The following CYRIB variants were observed in gnomAD, a reference collection of about 807,000 sequenced individuals.
CYRIB encodes the protein CYFIP related Rac1 interactor B.
Under a neutral mutation model 44.2 loss-of-function variants are expected in CYRIB, and 8 were observed. The ratio of observed to expected loss-of-function variants is 0.18; its 90% CI spans 0.11 to 0.33. The LOEUF (loss-of-function observed/expected upper bound fraction) is 0.33. Ranked by LOEUF, CYRIB falls within the 10% of genes least tolerant of loss-of-function variation. The pLI, the probability that CYRIB is intolerant of heterozygous loss-of-function variation, is 1.00. For synonymous variants in CYRIB, 131 were observed against 127.2 expected (o/e 1.03, Z -0.20); for missense variants, 185 against 382.8 (o/e 0.48, Z 4.31).
intron 2 of CYRIB, among the ~76,000 whole-genome samples, chr8:129,956,718 GT>G (rs1173962082): frequency 6.6e-6 from 1 of 152,046 alleles, no homozygotes; most frequent in African/African-American, 2.4e-5. Flanking sequence ...CAGAAGCCCT[GT>G]TTTTCTGGTC....
intron 5 of CYRIB, among the ~76,000 whole-genome samples, chr8:129,857,037 G>A (rs1438702626): frequency 6.6e-6 from 1 of 152,190 alleles, no homozygotes; most frequent in Non-Finnish European, 1.5e-5. Context: ...CAGATACCAG[G>A]TACTGAACTA....
At chr8:130,015,660 C>G (rs2097326033) in intron 1 of CYRIB, among the ~76,000 whole-genome samples, 1 of 152,152 alleles carries the variant, frequency 6.6e-6, no homozygotes, top group African/African-American at 2.4e-5. Context: ...ACAGGACACA[C>G]GTTTCAAAGG....
intron 1 of CYRIB, among the ~76,000 whole-genome samples, chr8:129,973,938 C>T (rs561919539): frequency 3.3e-5 from 5 of 152,300 alleles, no homozygotes; most frequent in Admixed American, 3.3e-4. Flanking sequence ...CTCCAAGAGA[C>T]TTTAAGCTTT....
At chr8:130,006,609 T>TATATATATGTGTATATATATACAC (rs2097092314) in intron 1 of CYRIB, among the ~76,000 whole-genome samples, 2 of 6,990 alleles carry the variant, frequency 2.9e-4, no homozygotes, top group African/African-American at 4.7e-4. Context: ...TATATATACA[T>TATATATATGTGTATATATATACAC]ATATATGTGT....
chr8:129,889,186 G>A (rs370360563), intron 2 of CYRIB, among the ~76,000 whole-genome samples: 2 of 152,258 alleles, frequency 1.3e-5, no homozygotes, highest in Non-Finnish European at 2.9e-5. Context: ...CTAGATGACA[G>A]CATATCTGTT....
intron 2 of CYRIB, among the ~76,000 whole-genome samples, chr8:129,958,531 A>G (rs966436336): frequency 6.6e-6 from 1 of 152,220 alleles, no homozygotes; most frequent in African/African-American, 2.4e-5. Context: ...AAGGGAAGGA[A>G]GCATTGTATA....
chr8:129,863,525 A>C, intron 4 of CYRIB, among the ~76,000 whole-genome samples: 1 of 138,234 alleles, frequency 7.2e-6, no homozygotes, highest in Non-Finnish European at 1.6e-5. Context: ...ACTCTGTCTT[A>C]AAAAAAAAAA....
At chr8:129,859,405 TGGGCCTGACTAATGTCAGGC>T (rs2048049867) in intron 5 of CYRIB, among the ~76,000 whole-genome samples, 1 of 150,810 alleles carries the variant, frequency 6.6e-6, no homozygotes, top group Non-Finnish European at 1.5e-5. Context: ...TAACTGCAGG[TGGGCCTGACTAATGTCAGGC>T]CCTCCACAGG....
At chr8:129,985,484 A>G (rs2096421578) in intron 1 of CYRIB, among the ~76,000 whole-genome samples, 1 of 152,174 alleles carries the variant, frequency 6.6e-6, no homozygotes, top group Non-Finnish European at 1.5e-5. Flanking sequence ...TCCACCCTGG[A>G]GACAATGGTG....
chr8:129,872,430 T>C (rs1220602107), intron 3 of CYRIB, among the ~76,000 whole-genome samples: 4 of 152,146 alleles, frequency 2.6e-5, no homozygotes, highest in African/African-American at 4.8e-5. Flanking sequence ...TGGATTTCTC[T>C]CTGCTTGACT....
upstream of CYRIB, chr8:130,016,609 T>G (rs1287639135): frequency 1.3e-5 from 2 of 149,432 alleles, no homozygotes; most frequent in Non-Finnish European, 3.0e-5. Context: ...CTGTTTACCT[T>G]CGAGAAGCCG....
intron 2 of CYRIB, among the ~76,000 whole-genome samples, chr8:129,879,997 T>C (rs919754253): frequency 6.6e-6 from 1 of 152,174 alleles, no homozygotes; most frequent in African/African-American, 2.4e-5. Context: ...CAATAATTTG[T>C]GGAGGTACGG....
In CYRIB at chr8:129,972,193, T is replaced by C. The variant is rs144614953; in HGVS notation, c.-295-1198A>G. 1.9e-3 allele frequency among the ~76,000 whole-genome samples: 287 copies of C among 152,332 alleles called. 2 individuals carry two copies. The highest frequency in any genetic ancestry group is 6.7e-3 in the African/African-American group (279 of 41,572). On this transcript the variant is annotated intron_variant, in intron 1 of 14. Coordinates refer to the CYRIB transcript ENST00000401979. ...TTCGGCTGCTTTTGCAGCTTTTTGT[T>C]TGCCAGTGTAGGTTTTCTTTCTGTC...
chr8:129,937,559 T>A (rs2093035685), intron 1 of CYRIB, among the ~76,000 whole-genome samples: 1 of 152,210 alleles, frequency 6.6e-6, no homozygotes, highest in Non-Finnish European at 1.5e-5. Context: ...AAAAATGAAT[T>A]TTAAGTTCGA....
intron 1 of CYRIB, among the ~76,000 whole-genome samples, chr8:129,907,384 G>T (rs1478624930): frequency 6.6e-6 from 1 of 151,894 alleles, no homozygotes; most frequent in Non-Finnish European, 1.5e-5. Flanking sequence ...CTCATAGGTG[G>T]GAACTGAACA....
chr8:129,840,647 T>C (rs1309024108), exon 12 of CYRIB: 1 of 152,176 alleles, frequency 6.6e-6, no homozygotes, highest in African/African-American at 2.4e-5. Context: ...TGGCGTTCAT[T>C]AGAGGGTCAC....
chr8:129,998,790 C>T (rs865790204), intron 1 of CYRIB, among the ~76,000 whole-genome samples: 21 of 152,290 alleles, frequency 1.4e-4, no homozygotes, highest in Middle Eastern at 3.4e-3. Flanking sequence ...TGCCACCCCA[C>T]CCGGCTAATT....
intron 1 of CYRIB, among the ~76,000 whole-genome samples, chr8:129,990,698 T>TA (rs2096610244): frequency 6.6e-6 from 1 of 152,052 alleles, no homozygotes. Flanking sequence ...ATTTCCTTTT[T>TA]GTTTTTTTAG....
Position 129,958,763 on chromosome 8 carries a change from TA to T in CYRIB, c.-243+12179del, listed in dbSNP as rs532997313. Among the ~76,000 whole-genome samples the T allele has an allele frequency of 9.0e-3, 1,168 of 129,974 alleles. 4 individuals are homozygous for T. The highest frequency in any genetic ancestry group is 0.012 in the Non-Finnish European group (729 of 60,154). 85.3% of individuals were successfully genotyped at this position (129,974 alleles called of 152,430 possible). ...GTTTTCCTCCCATCTACCACTGGTTTAAAAAAAAAAAAAAAAAAGAGGCCGG... is the reference window on the plus strand; with the variant it reads ...GTTTTCCTCCCATCTACCACTGGTTTAAAAAAAAAAAAAAAAAGAGGCCGG... On this transcript the variant is annotated intron_variant, in intron 2 of 14. Transcript: ENST00000401979.
Sources: allele counts gnomAD v4.1 joint callset (sites outside exome capture counted in the v4.1 genomes callset), GRCh38; gene constraint gnomAD v4.1.1; transcripts MANE v1.5; gene names NCBI Gene and HGNC (gene_info 2026-07-23, HGNC 2026-07-21).